The following PUDP variants were observed in gnomAD, a reference collection of about 807,000 sequenced individuals.
PUDP encodes the protein pseudouridine 5'-phosphatase.
PUDP carries 8 observed loss-of-function variants against 9.4 expected under a neutral mutation model. The ratio of observed to expected loss-of-function variants is 0.85; its 90% CI spans 0.50 to 1.53. The LOEUF is 1.53. Ranked by LOEUF, PUDP falls within the 40% of genes most tolerant of loss-of-function variation. PUDP has a pLI of 0.00. For missense variants in PUDP, 188 were observed against 189.7 expected (o/e 0.99, Z 0.05); for synonymous variants, 99 against 80.7 (o/e 1.23, Z -1.22).
chrX:7,090,846 T>A (rs181088164), intron 2 of PUDP, among the ~76,000 whole-genome samples: 18 of 111,723 alleles, frequency 1.6e-4, no homozygotes, highest in African/African-American at 5.9e-4. Flanking sequence ...CCAGACACAA[T>A]CAGACACAAT....
chrX:7,064,597 G>A (rs538276963), intron 3 of PUDP, among the ~76,000 whole-genome samples: 2 of 111,142 alleles, frequency 1.8e-5, no homozygotes, highest in South Asian at 7.7e-4. Flanking sequence ...GTGCCCAGAG[G>A]GTCCCAGTTT....
intron 3 of PUDP, among the ~76,000 whole-genome samples, chrX:6,728,439 C>A (rs1049581612): frequency 1.8e-5 from 2 of 111,516 alleles, no homozygotes; most frequent in Non-Finnish European, 3.8e-5. Flanking sequence ...GCAATCACAT[C>A]ATGTTTATGC....
intron 3 of PUDP, among the ~76,000 whole-genome samples, chrX:7,066,954 G>A (rs1451140101): frequency 9.0e-6 from 1 of 111,635 alleles, no homozygotes; most frequent in African/African-American, 3.3e-5. Flanking sequence ...ATTTTCCATT[G>A]TCATACAAGT....
chrX:6,768,148 G>A (rs1346124969), intron 3 of PUDP, among the ~76,000 whole-genome samples: 2 of 111,903 alleles, frequency 1.8e-5, no homozygotes, highest in East Asian at 2.8e-4. Flanking sequence ...CTCAACCAGG[G>A]GCGATTTTGT....
At chrX:6,786,151 C>T (rs1191874421) in intron 3 of PUDP, among the ~76,000 whole-genome samples, 4 of 111,887 alleles carry the variant, frequency 3.6e-5, no homozygotes, top group Admixed American at 9.6e-5. Flanking sequence ...AGTGCCATTT[C>T]ACTCTTCATT....
At chrX:6,956,180 G>A (rs1334643937) in intron 3 of PUDP, among the ~76,000 whole-genome samples, 3 of 112,113 alleles carry the variant, frequency 2.7e-5, no homozygotes, top group African/African-American at 9.7e-5. Flanking sequence ...CTCCCAAGTA[G>A]CTGGGACTAC....
intron 3 of PUDP, among the ~76,000 whole-genome samples, chrX:6,838,484 G>T (rs1289972629): frequency 8.9e-6 from 1 of 112,209 alleles, no homozygotes; most frequent in Non-Finnish European, 1.9e-5. Flanking sequence ...ATGGCAGATG[G>T]GTGTGGGTAT....
chrX:6,958,089 C>T (rs1041237165), intron 3 of PUDP, among the ~76,000 whole-genome samples: 11 of 112,136 alleles, frequency 9.8e-5, no homozygotes, highest in Non-Finnish European at 1.7e-4. Flanking sequence ...CAGAGTATAC[C>T]GAACAAAGGA....
chrX:6,907,564 G>A (rs753260959), intron 3 of PUDP, among the ~76,000 whole-genome samples: 20 of 111,883 alleles, frequency 1.8e-4, no homozygotes, highest in Admixed American at 6.6e-4. Flanking sequence ...AGCTCCAGAG[G>A]AGAAAGCCCT....
chrX:7,108,840 C>T (rs754143239), intron 1 of PUDP, among the ~76,000 whole-genome samples: 58 of 111,937 alleles, frequency 5.2e-4, no homozygotes, highest in African/African-American at 1.9e-3. Context: ...GCATGAGCCT[C>T]TGCGCCTGGC....
intron 1 of PUDP, among the ~76,000 whole-genome samples, chrX:7,120,090 C>T (rs749663773): frequency 3.4e-4 from 38 of 111,800 alleles, no homozygotes; most frequent in Non-Finnish European, 5.6e-4. Flanking sequence ...CCAAAGGACT[C>T]GTATCCAGAA....
intron 3 of PUDP, among the ~76,000 whole-genome samples, chrX:6,753,757 C>A (rs776101075): frequency 6.3e-5 from 7 of 111,919 alleles, no homozygotes; most frequent in Middle Eastern, 4.2e-3. Context: ...TGTTTGTCAG[C>A]CATTTGTATA....
chrX:6,892,440 C>T (rs2146746699), intron 3 of PUDP, among the ~76,000 whole-genome samples: 1 of 111,225 alleles, frequency 9.0e-6, no homozygotes, highest in South Asian at 3.9e-4. Context: ...AGGCAAAAGG[C>T]ACACCTTACA....
intron 3 of PUDP, among the ~76,000 whole-genome samples, chrX:6,805,103 C>T (rs773744865): frequency 2.9e-4 from 32 of 109,494 alleles, no homozygotes; most frequent in Non-Finnish European, 5.7e-4. Context: ...CTCATCTCTA[C>T]AAAAAATATC....
intron 3 of PUDP, among the ~76,000 whole-genome samples, chrX:6,901,680 T>C (rs778249731): frequency 8.9e-6 from 1 of 112,494 alleles, no homozygotes; most frequent in South Asian, 3.7e-4. Context: ...AGCCACTGGG[T>C]GCGATGCATC....
chrX:6,711,042 C>T (rs1208210650), intron 1 of PUDP, among the ~76,000 whole-genome samples: 2 of 111,858 alleles, frequency 1.8e-5, no homozygotes, highest in Non-Finnish European at 3.8e-5. Context: ...GGAAATATCA[C>T]TGAGAATGTC....
chrX:7,121,912 C>T (rs1932353502), intron 1 of PUDP, among the ~76,000 whole-genome samples: 1 of 112,369 alleles, frequency 8.9e-6, no homozygotes, highest in Admixed American at 9.4e-5. Flanking sequence ...TAGCTGGGGG[C>T]TGTGGCTCAT....
intron 1 of PUDP, among the ~76,000 whole-genome samples, chrX:6,983,573 G>T (rs1481286539): frequency 8.9e-6 from 1 of 112,072 alleles, no homozygotes; most frequent in Non-Finnish European, 1.9e-5. Context: ...CTTTCATCTT[G>T]ACTTGTTGGC....
chrX:6,726,008 C>A (rs933982629), upstream of PUDP, among the ~76,000 whole-genome samples: 3 of 111,884 alleles, frequency 2.7e-5, no homozygotes, highest in African/African-American at 9.7e-5. Context: ...CGTGAACACA[C>A]AAAGCAAGCA....
Sources: gnomAD v4.1 joint callset for allele counts (sites outside exome capture counted in the v4.1 genomes callset) on GRCh38, gnomAD v4.1.1 for gene constraint, MANE v1.5 for transcripts, NCBI Gene and HGNC (gene_info 2026-07-23, HGNC 2026-07-21) for gene names.